The following ROBO2 variants were observed in gnomAD, a reference collection of about 807,000 sequenced individuals.
ROBO2 encodes the protein roundabout guidance receptor 2.
ROBO2 carries 53 observed loss-of-function variants against 160.8 expected under a neutral mutation model. The observed-to-expected ratio is 0.33, with a 90% CI of 0.26 to 0.41. The LOEUF is 0.41. ROBO2 is among the 10% of genes least tolerant of loss of function. The probability of loss-of-function intolerance (pLI) is 1.00; values close to 1 mark genes in which losing one functional copy is unlikely to be tolerated. For synonymous variants in ROBO2, 664 were observed against 611.7 expected, an observed-to-expected ratio of 1.09 and a Z score of -1.26; for missense variants, 1,577 against 1,722.4, an observed-to-expected ratio of 0.92 and a Z score of 1.49.
intron 2 of ROBO2, among the ~76,000 whole-genome samples, chr3:76,411,531 A>G (rs2075483820): frequency 6.6e-6 from 1 of 152,114 alleles, no homozygotes; most frequent in Non-Finnish European, 1.5e-5. Flanking sequence ...ACCTCATTAA[A>G]GTAAATTATT....
chr3:76,621,365 C>T (rs1484754957), intron 2 of ROBO2, among the ~76,000 whole-genome samples: 3 of 152,194 alleles, frequency 2.0e-5, no homozygotes, highest in Admixed American at 1.3e-4. Context: ...ACATTCAGTG[C>T]ATAACTGCAT....
At chr3:77,578,236 T>C (rs956859385) in intron 15 of ROBO2, among the ~76,000 whole-genome samples, 1 of 152,138 alleles carries the variant, frequency 6.6e-6, no homozygotes, top group African/African-American at 2.4e-5. Flanking sequence ...TTGCCATCAT[T>C]TGGTGTGTAA....
At chr3:76,594,408 G>C (rs1638257577) in intron 2 of ROBO2, among the ~76,000 whole-genome samples, 1 of 151,952 alleles carries the variant, frequency 6.6e-6, no homozygotes, top group Admixed American at 6.6e-5. Context: ...GAAAAATAAA[G>C]CACAAAGGAA....
intron 14 of ROBO2, among the ~76,000 whole-genome samples, chr3:77,576,603 T>G (rs1316343031): frequency 6.6e-6 from 1 of 152,152 alleles, no homozygotes; most frequent in Non-Finnish European, 1.5e-5. Flanking sequence ...ATGAGAGATG[T>G]GGCATTCTAA....
At chr3:77,007,192 A>C (rs2061625050) in intron 2 of ROBO2, among the ~76,000 whole-genome samples, 1 of 152,140 alleles carries the variant, frequency 6.6e-6, no homozygotes, top group African/African-American at 2.4e-5. Flanking sequence ...CATCAACTCA[A>C]ATCCTTTGTT....
rs150986899 is a variant in ROBO2, at chr3:76,909,943, C to T, written c.110-188071C>T. 6.1e-3 allele frequency among the ~76,000 whole-genome samples: 935 copies of T among 152,276 alleles called. 8 individuals are homozygous for T. Among genetic ancestry groups the T allele is most frequent in the African/African-American group, 0.021 (866 of 41,558 alleles). Reference sequence around the variant, plus strand: ...AAATAAGGGTTCCAGATTTCCTTCTCAAGAGCTTTGTAAATTTAAACAATT... The same window carrying T: ...AAATAAGGGTTCCAGATTTCCTTCTTAAGAGCTTTGTAAATTTAAACAATT... On this transcript the variant is annotated intron_variant, in intron 2 of 26. Transcript: ENST00000487694.
intron 2 of ROBO2, among the ~76,000 whole-genome samples, chr3:77,241,750 C>A (rs1580308796): frequency 6.6e-6 from 1 of 152,126 alleles, no homozygotes; most frequent in African/African-American, 2.4e-5. Context: ...ATCTTCTGAC[C>A]TCTAATTCAG....
intron 2 of ROBO2, among the ~76,000 whole-genome samples, chr3:76,308,457 T>C (rs1182309612): frequency 6.6e-6 from 1 of 151,522 alleles, no homozygotes; most frequent in African/African-American, 2.4e-5. Flanking sequence ...TTAGTAAGGA[T>C]TAAATGAGTT....
intron 2 of ROBO2, among the ~76,000 whole-genome samples, chr3:76,756,451 G>C (rs267114): frequency 0.83 from 126,693 of 151,776 alleles, 52,973 homozygotes; most frequent in Admixed American, 0.86. Flanking sequence ...AGTGAGATTA[G>C]CATGGATTTG....
intron 2 of ROBO2, among the ~76,000 whole-genome samples, chr3:76,538,094 G>A (rs2082610202): frequency 6.6e-6 from 1 of 151,850 alleles, no homozygotes; most frequent in African/African-American, 2.4e-5. Context: ...CTGGACATAT[G>A]TGTGCAGGTC....
intron 2 of ROBO2, among the ~76,000 whole-genome samples, chr3:77,265,020 A>T (rs1299558163): frequency 6.6e-6 from 1 of 152,152 alleles, no homozygotes; most frequent in African/African-American, 2.4e-5. Context: ...TGCTACTTAA[A>T]CACTAAATTT....
intron 2 of ROBO2, among the ~76,000 whole-genome samples, chr3:76,330,785 T>C (rs2073424837): frequency 6.7e-6 from 1 of 150,240 alleles, no homozygotes; most frequent in African/African-American, 2.5e-5. Context: ...AAAAAGTAGT[T>C]TGGGCTTAAT....
chr3:77,521,707 C>T (rs868255438), intron 5 of ROBO2, among the ~76,000 whole-genome samples: 1 of 151,178 alleles, frequency 6.6e-6, no homozygotes, highest in African/African-American at 2.4e-5. Flanking sequence ...TAAATTAGGA[C>T]TGTATTAGTT....
chr3:76,683,702 A>C (rs973661917), intron 2 of ROBO2, among the ~76,000 whole-genome samples: 4 of 152,114 alleles, frequency 2.6e-5, no homozygotes, highest in African/African-American at 9.7e-5. Flanking sequence ...AAACAAAAAA[A>C]TTCAATTTAA....
chr3:76,440,013 C>G (rs530368396), intron 2 of ROBO2, among the ~76,000 whole-genome samples: 6 of 152,168 alleles, frequency 3.9e-5, no homozygotes, highest in African/African-American at 1.4e-4. Flanking sequence ...TCTTCCAGTT[C>G]CAGTCCTTCT....
At chr3:76,691,765 G>A (rs759497677) in intron 2 of ROBO2, among the ~76,000 whole-genome samples, 12 of 152,114 alleles carry the variant, frequency 7.9e-5, no homozygotes, top group Non-Finnish European at 1.6e-4. Context: ...GGAGGAGGCT[G>A]TGAGTCTTAT....
intron 2 of ROBO2, among the ~76,000 whole-genome samples, chr3:77,010,873 C>T (rs1267481035): frequency 7.7e-6 from 1 of 129,990 alleles, no homozygotes; most frequent in African/African-American, 2.8e-5. Flanking sequence ...TCCCTACCTT[C>T]CTTCCTCCCT....
chr3:77,421,037 GA>G (rs1359037238), intron 2 of ROBO2, among the ~76,000 whole-genome samples: 8 of 152,088 alleles, frequency 5.3e-5, no homozygotes, highest in Non-Finnish European at 7.4e-5. Context: ...GTATAGTATG[GA>G]AGGGAAAACC....
At chr3:76,824,437 G>A (rs1045995609) in intron 2 of ROBO2, among the ~76,000 whole-genome samples, 1 of 152,132 alleles carries the variant, frequency 6.6e-6, no homozygotes, top group African/African-American at 2.4e-5. Flanking sequence ...GCAGATTTTA[G>A]TGCAGACTAG....
Sources: allele counts gnomAD v4.1 joint callset (sites outside exome capture counted in the v4.1 genomes callset), GRCh38; gene constraint gnomAD v4.1.1; transcripts MANE v1.5; gene names NCBI Gene and HGNC (gene_info 2026-07-23, HGNC 2026-07-21).